Variants in PTPRK observed in about 807,000 individuals in gnomAD.
PTPRK encodes receptor-type tyrosine-protein phosphatase kappa.
PTPRK carries 75 observed loss-of-function variants against 178.0 expected under a neutral mutation model. The ratio of observed to expected loss-of-function variants is 0.42; its 90% CI spans 0.35 to 0.51. The LOEUF is 0.51. PTPRK is among the 20% of genes least tolerant of loss of function. PTPRK has a pLI of 0.02. For missense variants in PTPRK, 1,441 were observed against 1,797.8 expected (o/e 0.80, Z 3.59); for synonymous variants, 637 against 620.6 (o/e 1.03, Z -0.39).
intron 2 of PTPRK, among the ~76,000 whole-genome samples, chr6:128,356,554 CTAT>C (rs781341582): frequency 2.0e-5 from 3 of 152,192 alleles, no homozygotes; most frequent in Admixed American, 1.3e-4. Flanking sequence ...CACGAAACAA[CTAT>C]TGTTCTTTTT....
At chr6:128,108,948 C>T (rs1230445160) in intron 7 of PTPRK, among the ~76,000 whole-genome samples, 1 of 152,080 alleles carries the variant, frequency 6.6e-6, no homozygotes, top group Non-Finnish European at 1.5e-5. Flanking sequence ...TACATTTAAA[C>T]CTAATTGTTT....
At chr6:128,500,804 T>C (rs1257583855) in intron 1 of PTPRK, 2 of 152,206 alleles carry the variant, frequency 1.3e-5, no homozygotes, top group South Asian at 2.1e-4. Flanking sequence ...ATCTTTATTA[T>C]GAAATCTATA....
intron 7 of PTPRK, among the ~76,000 whole-genome samples, chr6:128,151,477 ATAGT>A (rs915274294): frequency 3.9e-5 from 6 of 152,068 alleles, no homozygotes; most frequent in African/African-American, 1.2e-4. Flanking sequence ...GATCCCATAC[ATAGT>A]TAAACATACA....
intron 14 of PTPRK, among the ~76,000 whole-genome samples, 186 bp downstream of exon 14, chr6:128,008,944 C>G (rs182352158): frequency 1.3e-5 from 2 of 151,110 alleles, no homozygotes; most frequent in African/African-American, 4.8e-5. Flanking sequence ...CAAAATTAAA[C>G]TGCAAATAAC....
intron 7 of PTPRK, among the ~76,000 whole-genome samples, chr6:128,155,328 T>C (rs1211876360): frequency 6.6e-6 from 1 of 151,740 alleles, no homozygotes; most frequent in Non-Finnish European, 1.5e-5. Flanking sequence ...ATCACCTAAA[T>C]CCATTTTATT....
chr6:127,991,273 A>G, intron 20 of PTPRK, 21 bp downstream of exon 20: 2 of 1,556,742 alleles, frequency 1.3e-6, no homozygotes, highest in East Asian at 4.6e-5. Flanking sequence ...ATGACAAAAA[A>G]ATTCTTTTTC....
intron 7 of PTPRK, among the ~76,000 whole-genome samples, chr6:128,174,473 A>G (rs1302083212): frequency 6.6e-6 from 1 of 151,908 alleles, no homozygotes; most frequent in Non-Finnish European, 1.5e-5. Flanking sequence ...AAGAATAGAA[A>G]TAATGGTATA....
intron 1 of PTPRK, among the ~76,000 whole-genome samples, chr6:128,446,545 G>C (rs1291656894): frequency 6.6e-6 from 1 of 152,158 alleles, no homozygotes; most frequent in Non-Finnish European, 1.5e-5. Context: ...AAAAGTCTGT[G>C]ACACTGTTAC....
chr6:128,001,098 C>T, intron 15 of PTPRK: 1 of 942,268 alleles, frequency 1.1e-6, no homozygotes. Flanking sequence ...AGTGAGGGTA[C>T]ACGTACTAAT....
intron 3 of PTPRK, among the ~76,000 whole-genome samples, chr6:128,292,946 C>T (rs1249275307): frequency 6.6e-6 from 1 of 151,942 alleles, no homozygotes; most frequent in Non-Finnish European, 1.5e-5. Flanking sequence ...AGAAAAGTGT[C>T]TTGGTGGTCA....
intron 1 of PTPRK, among the ~76,000 whole-genome samples, chr6:128,404,310 C>G (rs1036514184): frequency 2.0e-5 from 3 of 152,228 alleles, no homozygotes; most frequent in African/African-American, 7.2e-5. Flanking sequence ...GAGACACTTT[C>G]AAGGGCCTTC....
intron 1 of PTPRK, among the ~76,000 whole-genome samples, chr6:128,446,479 A>G (rs1317675096): frequency 6.6e-6 from 1 of 152,224 alleles, no homozygotes; most frequent in East Asian, 1.9e-4. Flanking sequence ...AGAATAATTG[A>G]TACGGCATGC....
At chr6:128,122,134 G>A (rs1583103741) in intron 7 of PTPRK, among the ~76,000 whole-genome samples, 2 of 152,006 alleles carry the variant, frequency 1.3e-5, no homozygotes, top group East Asian at 1.9e-4. Context: ...TAATAGCCTC[G>A]AGAAATGTTA....
intron 1 of PTPRK, among the ~76,000 whole-genome samples, chr6:128,445,973 T>A (rs1293708968): frequency 6.6e-6 from 1 of 152,180 alleles, no homozygotes; most frequent in Non-Finnish European, 1.5e-5. Flanking sequence ...TGGGCCAGTT[T>A]TCTTCAATTA....
chr6:127,988,065 AT>A (rs1467604636), intron 21 of PTPRK, among the ~76,000 whole-genome samples: 1 of 152,020 alleles, frequency 6.6e-6, no homozygotes, highest in African/African-American at 2.4e-5. Context: ...TAGGGAAAAA[AT>A]AATAGGTCAT....
At chr6:128,267,386 A>T (rs983628065) in intron 3 of PTPRK, among the ~76,000 whole-genome samples, 1 of 152,066 alleles carries the variant, frequency 6.6e-6, no homozygotes, top group African/African-American at 2.4e-5. Context: ...CATGTATTCC[A>T]TGGGGGGAAA....
At chr6:128,044,036 T>G (rs953122773) in intron 13 of PTPRK, among the ~76,000 whole-genome samples, 14 of 151,966 alleles carry the variant, frequency 9.2e-5, no homozygotes, top group African/African-American at 3.1e-4. Flanking sequence ...AACTGGAAAA[T>G]TTGATAATTC....
chr6:128,064,020 C>T (rs1243523945), intron 13 of PTPRK, among the ~76,000 whole-genome samples: 1 of 152,148 alleles, frequency 6.6e-6, no homozygotes, highest in Non-Finnish European at 1.5e-5. Context: ...ATGCAGACAG[C>T]TTTTTCATGT....
In PTPRK at chr6:128,073,461, C is replaced by T. The variant is rs141617002; in HGVS notation, c.1883+5352G>A. 6.0e-3 allele frequency among the ~76,000 whole-genome samples: 912 copies of T among 152,046 alleles called. 5 individuals carry two copies. Among genetic ancestry groups the T allele is most frequent in the Non-Finnish European group, 9.5e-3 (645 of 67,946 alleles). ...GAAATCCTTATGTGATAAAAGTATCCGTTGGGCAGAAATCTGAAGAAAGAG... is the reference window on the plus strand; with the variant it reads ...GAAATCCTTATGTGATAAAAGTATCTGTTGGGCAGAAATCTGAAGAAAGAG... On this transcript the variant is annotated intron_variant, in intron 11 of 29. Coordinates refer to ENST00000368226, the MANE Select transcript of PTPRK (RefSeq NM_002844.4).
Sources: allele counts gnomAD v4.1 joint callset (sites outside exome capture counted in the v4.1 genomes callset), GRCh38; gene constraint gnomAD v4.1.1; transcripts MANE v1.5; gene names NCBI Gene and HGNC (gene_info 2026-07-23, HGNC 2026-07-21).